The following ADGRB3 variants were observed in gnomAD, a reference collection of about 807,000 sequenced individuals.
ADGRB3 encodes the protein adhesion G protein-coupled receptor B3.
In ADGRB3, 37 loss-of-function variants were observed where a neutral mutation model predicts 193.4. The ratio of observed to expected loss-of-function variants is 0.19; its 90% CI spans 0.15 to 0.25. The LOEUF (loss-of-function observed/expected upper bound fraction) is 0.25, where lower values mean the gene tolerates loss of function less well. Ranked by LOEUF, ADGRB3 falls within the 10% of genes least tolerant of loss-of-function variation. The pLI is 1.00. For synonymous variants in ADGRB3, 690 were observed against 644.2 expected (o/e 1.07, Z -1.08); for missense variants, 1,637 against 1,852.9 (o/e 0.88, Z 2.14).
rs905371818 is a variant in ADGRB3, at chr6:68,994,048, G to A, written c.1929+86G>A. On this transcript the variant is annotated intron_variant, in intron 11 of 31. Coordinates refer to ENST00000370598, the MANE Select transcript of ADGRB3 (RefSeq NM_001704.3). ...ACGAAGCCAGTGCAGCCGTCTTGGA[G>A]GCGGACTGGAGGAAGATAATGCTCA... The A allele has an allele frequency of 4.5e-6, 6 of 1,341,876 alleles. No individual in the cohort carries two copies. In the East Asian group the frequency reaches 9.3e-5, roughly 21 times the overall value. 83.1% of individuals were successfully genotyped at this position (1,341,876 alleles called of 1,614,324 possible).
At chr6:69,273,944 A>C (rs1767235938) in intron 20 of ADGRB3, among the ~76,000 whole-genome samples, 1 of 152,216 alleles carries the variant, frequency 6.6e-6, no homozygotes, top group African/African-American at 2.4e-5. Context: ...AAACACTGGA[A>C]TAAAAAGAAT....
chr6:69,315,967 G>A (rs984141039), intron 20 of ADGRB3, among the ~76,000 whole-genome samples: 60 of 151,058 alleles, frequency 4.0e-4, no homozygotes, highest in African/African-American at 1.2e-3. Context: ...GAAGTGCTTC[G>A]CTTCAGTATT....
At chr6:68,946,641 TGG>T (rs1157905220) in intron 6 of ADGRB3, among the ~76,000 whole-genome samples, 1 of 152,080 alleles carries the variant, frequency 6.6e-6, no homozygotes, top group East Asian at 1.9e-4. Flanking sequence ...CACTAGAGTG[TGG>T]ACAAGAGGAG....
chr6:68,843,789 T>G (rs1437772707), intron 3 of ADGRB3, among the ~76,000 whole-genome samples: 1 of 152,146 alleles, frequency 6.6e-6, no homozygotes, highest in Non-Finnish European at 1.5e-5. Flanking sequence ...AGAGCTATAG[T>G]AACCAAAACA....
chr6:68,774,478 T>G (rs1766700628), intron 3 of ADGRB3, among the ~76,000 whole-genome samples: 1 of 151,872 alleles, frequency 6.6e-6, no homozygotes, highest in African/African-American at 2.4e-5. Flanking sequence ...GTGTTTAGCT[T>G]TAATAACCCC....
At chr6:68,743,996 A>G (rs1208356095) in intron 3 of ADGRB3, among the ~76,000 whole-genome samples, 1 of 152,006 alleles carries the variant, frequency 6.6e-6, no homozygotes, top group Non-Finnish European at 1.5e-5. Flanking sequence ...GTATATATGT[A>G]TATATATTTT....
At chr6:69,244,065 A>G (rs1766438852) in intron 20 of ADGRB3, among the ~76,000 whole-genome samples, 1 of 151,866 alleles carries the variant, frequency 6.6e-6, no homozygotes, top group African/African-American at 2.4e-5. Flanking sequence ...GTGGTCAAAC[A>G]TTTTCTTAGC....
At chr6:69,089,084 A>C (rs1056160031) in intron 17 of ADGRB3, among the ~76,000 whole-genome samples, 1 of 152,252 alleles carries the variant, frequency 6.6e-6, no homozygotes, top group Non-Finnish European at 1.5e-5. Flanking sequence ...AATTAGTGGA[A>C]GTTCTTTGAA....
chr6:68,846,756 T>C (rs1768284145), intron 3 of ADGRB3, among the ~76,000 whole-genome samples: 1 of 152,176 alleles, frequency 6.6e-6, no homozygotes, highest in Non-Finnish European at 1.5e-5. Flanking sequence ...GGGGCTTTCA[T>C]GGAGAACCTC....
intron 3 of ADGRB3, among the ~76,000 whole-genome samples, chr6:68,898,449 C>T (rs998200304): frequency 6.6e-6 from 1 of 152,068 alleles, no homozygotes; most frequent in African/African-American, 2.4e-5. Context: ...AATAATGTTT[C>T]GCCAACTATC....
intron 17 of ADGRB3, among the ~76,000 whole-genome samples, chr6:69,105,221 T>A (rs555380894): frequency 6.6e-6 from 1 of 152,176 alleles, no homozygotes; most frequent in East Asian, 1.9e-4. Flanking sequence ...TCTACCATTA[T>A]TGTACCACCC....
chr6:69,348,465 G>A (rs1287768070), intron 26 of ADGRB3, among the ~76,000 whole-genome samples: 1 of 148,438 alleles, frequency 6.7e-6, no homozygotes, highest in East Asian at 2.0e-4. Context: ...TGGCCAACAT[G>A]GTGAAACCCT....
chr6:69,284,276 C>A (rs561886969), intron 20 of ADGRB3, among the ~76,000 whole-genome samples: 30 of 152,190 alleles, frequency 2.0e-4, no homozygotes, highest in African/African-American at 7.0e-4. Context: ...CACCTTGATG[C>A]GTACACTTTG....
In ADGRB3 at chr6:69,199,962, T is replaced by A. The variant is rs1765386053; in HGVS notation, c.2481-33328T>A. 4.0e-5 allele frequency among the ~76,000 whole-genome samples: 6 copies of A among 151,736 alleles called. No homozygotes were observed. In the South Asian group the frequency reaches 1.2e-3, roughly 31 times the overall value. On this transcript the variant is annotated intron_variant, in intron 17 of 31. Transcript: ENST00000370598. Reference sequence around the variant, plus strand: ...TTATTAAAGTTTTTGAGCCATTCAATGTTGATCAAAAAAAAAGGTTTAAGA... The same window carrying A: ...TTATTAAAGTTTTTGAGCCATTCAAAGTTGATCAAAAAAAAAGGTTTAAGA...
intron 3 of ADGRB3, among the ~76,000 whole-genome samples, chr6:68,809,290 T>A (rs1390318357): frequency 2.0e-5 from 3 of 152,216 alleles, no homozygotes; most frequent in African/African-American, 7.2e-5. Flanking sequence ...AAGGTTCAAG[T>A]AATAAAATAA....
At chr6:68,897,445 GAAGGGAGGGAGGGAGGGAGGA>G (rs1354028519) in intron 3 of ADGRB3, among the ~76,000 whole-genome samples, 10 of 88,448 alleles carry the variant, frequency 1.1e-4, no homozygotes, top group Non-Finnish European at 2.1e-4. Flanking sequence ...AGGATTGAAG[GAAGGGAGGGAGGGAGGGAGGA>G]AAGGGAGGGA....
At chr6:68,881,260 C>A (rs1765721790) in intron 3 of ADGRB3, among the ~76,000 whole-genome samples, 1 of 151,598 alleles carries the variant, frequency 6.6e-6, no homozygotes, top group East Asian at 1.9e-4. Flanking sequence ...TGATAAAATA[C>A]AAATCTTGCC....
chr6:68,661,734 G>A (rs1291316712), intron 3 of ADGRB3, among the ~76,000 whole-genome samples: 1 of 150,570 alleles, frequency 6.6e-6, no homozygotes, highest in East Asian at 2.0e-4. Context: ...GAAGGAATTT[G>A]TGATCAGGGT....
At chr6:68,974,117 G>A (rs1768667801) in intron 8 of ADGRB3, among the ~76,000 whole-genome samples, 2 of 151,880 alleles carry the variant, frequency 1.3e-5, no homozygotes, top group Admixed American at 1.3e-4. Flanking sequence ...ATTTTAATGT[G>A]CCTTTTTGTT....
Sources: gnomAD v4.1 joint callset for allele counts (sites outside exome capture counted in the v4.1 genomes callset) on GRCh38, gnomAD v4.1.1 for gene constraint, MANE v1.5 for transcripts, NCBI Gene and HGNC (gene_info 2026-07-23, HGNC 2026-07-21) for gene names.